Variants in CSMD1 observed in about 807,000 individuals in gnomAD.
CSMD1 encodes CUB and sushi domain-containing protein 1.
Under a neutral mutation model 417.5 loss-of-function variants are expected in CSMD1, and 213 were observed. The ratio of observed to expected loss-of-function variants is 0.51; its 90% CI spans 0.46 to 0.57. The LOEUF (loss-of-function observed/expected upper bound fraction) is 0.57. Among genes scored for constraint, CSMD1 ranks in the 20% least tolerant of loss-of-function variants. The pLI is 0.00. For missense variants in CSMD1, 6,923 were observed against 4,529.7 expected (o/e 1.53, Z -15.17); for synonymous variants, 2,862 against 1,736.8 (o/e 1.65, Z -16.11).
intron 5 of CSMD1, among the ~76,000 whole-genome samples, chr8:3,983,618 T>A (rs989020750): frequency 2.6e-5 from 4 of 152,232 alleles, no homozygotes; most frequent in African/African-American, 9.6e-5. Flanking sequence ...TTTATCAAAC[T>A]GTATTTTTCA....
At chr8:4,385,931 C>G (rs889610593) in intron 3 of CSMD1, among the ~76,000 whole-genome samples, 1 of 152,128 alleles carries the variant, frequency 6.6e-6, no homozygotes, top group Non-Finnish European at 1.5e-5. Flanking sequence ...GAGTTTCTCA[C>G]CCCTCAACAT....
chr8:4,553,309 G>C (rs1055482686), intron 2 of CSMD1, among the ~76,000 whole-genome samples: 1 of 152,038 alleles, frequency 6.6e-6, no homozygotes, highest in African/African-American at 2.4e-5. Context: ...TATCAGCTCT[G>C]GGTAAAAGTG....
At chr8:4,286,417 G>GA (rs1157543041) in intron 3 of CSMD1, among the ~76,000 whole-genome samples, 3 of 152,118 alleles carry the variant, frequency 2.0e-5, no homozygotes, top group Non-Finnish European at 2.9e-5. Flanking sequence ...ATGAGACAGA[G>GA]AAAAATCATG....
chr8:4,041,832 A>T (rs571742557), intron 3 of CSMD1, among the ~76,000 whole-genome samples: 4 of 152,308 alleles, frequency 2.6e-5, no homozygotes, highest in Admixed American at 2.6e-4. Flanking sequence ...AAACAAACCC[A>T]GATTGAACAT....
chr8:4,959,571 C>T (rs963316948), intron 1 of CSMD1, among the ~76,000 whole-genome samples: 2 of 152,238 alleles, frequency 1.3e-5, no homozygotes, highest in Non-Finnish European at 2.9e-5. Flanking sequence ...ATAATTATCA[C>T]CCGATACCTA....
intron 1 of CSMD1, among the ~76,000 whole-genome samples, chr8:4,950,994 AAAC>A (rs1047783871): frequency 1.3e-5 from 2 of 151,562 alleles, no homozygotes; most frequent in East Asian, 2.0e-4. Flanking sequence ...AAAAACAAAC[AAAC>A]AAAAAAAATT....
At chr8:3,893,254 A>C (rs1198210091) in intron 5 of CSMD1, among the ~76,000 whole-genome samples, 4 of 148,392 alleles carry the variant, frequency 2.7e-5, no homozygotes, top group African/African-American at 9.8e-5. Context: ...TTATATTTGT[A>C]ATATTTTAGC....
In CSMD1 at chr8:4,140,498, A is replaced by C. The variant is rs879495826; in HGVS notation, c.416-108399T>G. ...AAGCAACAAAATCCATCTCAAAAAC[A>C]AACAAACAAACAAACAAAAATTAGC... On this transcript the variant is annotated intron_variant, in intron 3 of 69. Coordinates refer to ENST00000635120, the MANE Select transcript of CSMD1 (RefSeq NM_033225.6). Among the ~76,000 whole-genome samples the C allele has an allele frequency of 3.0e-5, 4 of 132,556 alleles. No homozygotes were observed. In the East Asian group the frequency reaches 8.0e-4, roughly 27 times the overall value. 87.0% of individuals were successfully genotyped at this position (132,556 alleles called of 152,430 possible).
intron 1 of CSMD1, among the ~76,000 whole-genome samples, chr8:4,652,060 G>C (rs954920164): frequency 6.6e-6 from 1 of 152,180 alleles, no homozygotes; most frequent in Non-Finnish European, 1.5e-5. Context: ...ATTGAGTCAG[G>C]AAGAACTTGA....
chr8:4,527,142 T>A (rs541163334), intron 2 of CSMD1, among the ~76,000 whole-genome samples: 8 of 152,210 alleles, frequency 5.3e-5, no homozygotes, highest in Non-Finnish European at 1.2e-4. Flanking sequence ...TCAAGAAAGT[T>A]AAGTTACCCA....
chr8:3,228,969 C>T (rs1798670785), intron 27 of CSMD1, among the ~76,000 whole-genome samples: 1 of 152,102 alleles, frequency 6.6e-6, no homozygotes, highest in South Asian at 2.1e-4. Context: ...CAGCACCAGA[C>T]ATTAAACACA....
intron 3 of CSMD1, among the ~76,000 whole-genome samples, chr8:4,418,463 T>C (rs2128938753): frequency 6.6e-6 from 1 of 152,272 alleles, no homozygotes; most frequent in Non-Finnish European, 1.5e-5. Flanking sequence ...TTTCACAACA[T>C]TAATTTTGGG....
chr8:4,129,132 T>C (rs1332624218), intron 3 of CSMD1, among the ~76,000 whole-genome samples: 1 of 152,038 alleles, frequency 6.6e-6, no homozygotes, highest in African/African-American at 2.4e-5. Flanking sequence ...TGTTGTTGCT[T>C]TTGTTTCATC....
intron 2 of CSMD1, among the ~76,000 whole-genome samples, chr8:4,622,569 G>A (rs1801845717): frequency 6.6e-6 from 1 of 152,132 alleles, no homozygotes. Context: ...AGTGGCAGCT[G>A]GCAAACGCGA....
chr8:3,742,787 C>T (rs1796878063), intron 6 of CSMD1, among the ~76,000 whole-genome samples: 1 of 152,116 alleles, frequency 6.6e-6, no homozygotes, highest in Admixed American at 6.6e-5. Flanking sequence ...CCAACAACAG[C>T]AACAACAAAA....
At chr8:4,967,438 G>C (rs1563893505) in intron 1 of CSMD1, among the ~76,000 whole-genome samples, 1 of 152,050 alleles carries the variant, frequency 6.6e-6, no homozygotes, top group South Asian at 2.1e-4. Context: ...GCACTACTAA[G>C]GTAAGAGATG....
intron 26 of CSMD1, among the ~76,000 whole-genome samples, chr8:3,277,966 T>C (rs978004998): frequency 6.6e-6 from 1 of 152,204 alleles, no homozygotes. Flanking sequence ...GCAAGCGTCA[T>C]TTCTGCAGAA....
At chr8:4,325,155 G>A (rs572008034) in intron 3 of CSMD1, among the ~76,000 whole-genome samples, 123 of 152,170 alleles carry the variant, frequency 8.1e-4, no homozygotes, top group African/African-American at 2.9e-3. Flanking sequence ...AAGACACAGG[G>A]GAAAGAGGAG....
At chr8:4,114,723 A>C (rs976980472) in intron 3 of CSMD1, among the ~76,000 whole-genome samples, 1 of 152,208 alleles carries the variant, frequency 6.6e-6, no homozygotes, top group African/African-American at 2.4e-5. Context: ...GGAGTTTAGA[A>C]GAAGTTGATT....
Sources: gnomAD v4.1 joint callset for allele counts (sites outside exome capture counted in the v4.1 genomes callset) on GRCh38, gnomAD v4.1.1 for gene constraint, MANE v1.5 for transcripts, NCBI Gene and HGNC (gene_info 2026-07-23, HGNC 2026-07-21) for gene names.